The following FOXK1 variants were observed in gnomAD, a reference collection of about 807,000 sequenced individuals.
The protein encoded by FOXK1 is forkhead box protein K1.
In FOXK1, 19 loss-of-function variants were observed where a neutral mutation model predicts 51.9. The ratio of observed to expected loss-of-function variants is 0.37; its 90% CI spans 0.26 to 0.54. The LOEUF (loss-of-function observed/expected upper bound fraction) is 0.54, where lower values mean the gene tolerates loss of function less well. Among genes scored for constraint, FOXK1 ranks in the 20% least tolerant of loss-of-function variants. The probability of loss-of-function intolerance (pLI) is 0.87; values close to 1 mark genes in which losing one functional copy is unlikely to be tolerated. For synonymous variants in FOXK1, 537 were observed against 482.6 expected, an observed-to-expected ratio of 1.11 and a Z score of -1.48; for missense variants, 870 against 1,032.7, an observed-to-expected ratio of 0.84 and a Z score of 2.16.
At chr7:4,702,027 A>G (rs1007047320) in intron 1 of FOXK1, among the ~76,000 whole-genome samples, 120 of 152,298 alleles carry the variant, frequency 7.9e-4, no homozygotes, top group Non-Finnish European at 1.3e-4. Context: ...GTGAGCTGTG[A>G]CTGTACCACT....
At chr7:4,754,141 T>TG (rs1365723796) in intron 2 of FOXK1, among the ~76,000 whole-genome samples, 6 of 152,046 alleles carry the variant, frequency 3.9e-5, no homozygotes, top group African/African-American at 7.2e-5. Context: ...GGGGTGTGTG[T>TG]GGGGGGACCT....
At chr7:4,696,012 A>G (rs1277243336) in intron 1 of FOXK1, among the ~76,000 whole-genome samples, 2 of 151,790 alleles carry the variant, frequency 1.3e-5, no homozygotes, top group Non-Finnish European at 2.9e-5. Flanking sequence ...ACTACTTAGG[A>G]ACCTGAGGCA....
At position 4,734,919 on chromosome 7, in the gene FOXK1, T is replaced by C. The variant is rs1780533087; in HGVS notation, c.561-5919T>C. ...CGATCTGTCACATTCATTTTAAAAA[T>C]CGCCTCCGGAAGCTTTCACGGGCTC... On this transcript the variant is annotated intron_variant, in intron 1 of 8. Transcript: ENST00000328914. This position sits in a 1 kb window ranked among gnomAD's most constrained non-coding sequence, Gnocchi z 5.2. 6.6e-6 allele frequency among the ~76,000 whole-genome samples: 1 copy of C among 152,156 alleles called. No individual in the cohort carries two copies. Among genetic ancestry groups the C allele is most frequent in the Admixed American group, 6.6e-5 (1 of 15,266 alleles).
At chr7:4,744,946 G>A (rs1474635664) in intron 2 of FOXK1, among the ~76,000 whole-genome samples, 1 of 152,258 alleles carries the variant, frequency 6.6e-6, no homozygotes, top group East Asian at 1.9e-4. Context: ...GTTTATCTTA[G>A]CACCCTGGAA....
At chr7:4,705,593 C>G (rs1356255554) in intron 1 of FOXK1, among the ~76,000 whole-genome samples, 1 of 150,704 alleles carries the variant, frequency 6.6e-6, no homozygotes, top group Non-Finnish European at 1.5e-5. Context: ...CTGGAGTACA[C>G]TGGCGCAATG....
intron 1 of FOXK1, among the ~76,000 whole-genome samples, chr7:4,714,463 C>A (rs1298941686): frequency 2.0e-5 from 3 of 152,142 alleles, no homozygotes; most frequent in Admixed American, 1.3e-4. Flanking sequence ...TTAGTAGAGA[C>A]CGGGTTTCGC....
At chr7:4,718,815 G>T (rs1284005803) in intron 1 of FOXK1, among the ~76,000 whole-genome samples, 1 of 152,026 alleles carries the variant, frequency 6.6e-6, no homozygotes, top group Non-Finnish European at 1.5e-5. Context: ...TTGTTTTTTT[G>T]TTTGTTTGTT....
chr7:4,688,724 C>T (rs561822484), intron 1 of FOXK1, among the ~76,000 whole-genome samples: 78 of 152,232 alleles, frequency 5.1e-4, no homozygotes, highest in Non-Finnish European at 9.6e-4. Flanking sequence ...GTGTAGTTCC[C>T]CACACCTGCC....
chr7:4,687,783 A>C lies in FOXK1; in HGVS notation c.560+4915A>C, dbSNP rs1328135539. ...TGGCTTGAATAATTACAATGAGAAC[A>C]AGACTTCTGTTTGTGGTAACTTTGA... is the stretch of plus-strand genomic sequence containing the variant. On this transcript the variant is annotated intron_variant, in intron 1 of 8. Transcript: ENST00000328914. Among the ~76,000 whole-genome samples the C allele has an allele frequency of 1.3e-5, 2 of 152,174 alleles. 1 individual carries two copies. The highest frequency in any genetic ancestry group is 2.9e-5 in the Non-Finnish European group (2 of 68,034).
chr7:4,742,818 C>T (rs755590439), intron 2 of FOXK1, among the ~76,000 whole-genome samples: 10 of 152,206 alleles, frequency 6.6e-5, no homozygotes, highest in African/African-American at 1.4e-4. Flanking sequence ...CCTGCTTTGC[C>T]GACAAGTTAC....
chr7:4,726,860 T>A (rs1780387509), intron 1 of FOXK1, among the ~76,000 whole-genome samples: 1 of 152,220 alleles, frequency 6.6e-6, no homozygotes. Context: ...AGTGGGATAT[T>A]TTGGTGAGTT....
At position 4,758,637 on chromosome 7, in the gene FOXK1, A is replaced by G. The variant is rs1252812524; in HGVS notation, c.1245-414A>G. On this transcript the variant is annotated intron_variant, in intron 5 of 8. Coordinates refer to ENST00000328914, the MANE Select transcript of FOXK1 (RefSeq NM_001037165.2). This position sits in a 1 kb window ranked among gnomAD's most constrained non-coding sequence, Gnocchi z 4.4. Reference sequence around the variant, plus strand: ...AACGTCATTTGCAGCATTTAAACTGAGCTCCAAATGACGTTCAAACACCCC... The same window carrying G: ...AACGTCATTTGCAGCATTTAAACTGGGCTCCAAATGACGTTCAAACACCCC... 1.1e-5 allele frequency: 2 copies of G among 187,592 alleles called. No homozygotes were observed. Among genetic ancestry groups the G allele is most frequent in the Non-Finnish European group, 1.1e-5 (1 of 91,544 alleles). The allele number at this position is 187,592 out of a possible 1,614,324, so 11.6% of individuals were successfully genotyped here.
chr7:4,692,193 T>C (rs754094507), intron 1 of FOXK1, among the ~76,000 whole-genome samples: 29 of 152,308 alleles, frequency 1.9e-4, no homozygotes, highest in Non-Finnish European at 3.7e-4. Flanking sequence ...AACTCTGTAA[T>C]GTCTGGCTTA....
intron 1 of FOXK1, among the ~76,000 whole-genome samples, chr7:4,698,706 C>G (rs368292187): frequency 5.9e-5 from 9 of 152,254 alleles, no homozygotes; most frequent in African/African-American, 2.2e-4. Context: ...GCACGTGCCA[C>G]CACGCCCTGC....
At chr7:4,695,982 G>A (rs1163359922) in intron 1 of FOXK1, among the ~76,000 whole-genome samples, 1 of 151,762 alleles carries the variant, frequency 6.6e-6, no homozygotes, top group Non-Finnish European at 1.5e-5. Flanking sequence ...TGGGTGTGGT[G>A]GCGTGCACCT....
chr7:4,746,617 G>A (rs529775918), intron 2 of FOXK1, among the ~76,000 whole-genome samples: 2 of 152,340 alleles, frequency 1.3e-5, no homozygotes, highest in Admixed American at 1.3e-4. Context: ...GAGCCCAGCA[G>A]TTGGAGGCTG....
In FOXK1 at chr7:4,729,158, T is replaced by G. The variant is rs1332732957; in HGVS notation, c.561-11680T>G. ...TTTACGCGGTCTTTTTACGTCTGTT[T>G]AAGCCACACAGCATGGTGGGGAGCG... On this transcript the variant is annotated intron_variant, in intron 1 of 8. Transcript: ENST00000328914. This position sits in a 1 kb window ranked among gnomAD's most constrained non-coding sequence, Gnocchi z 6.2. Among the ~76,000 whole-genome samples the G allele has an allele frequency of 6.6e-6, 1 of 152,234 alleles. No homozygotes were observed. Among genetic ancestry groups the G allele is most frequent in the Non-Finnish European group, 1.5e-5 (1 of 68,052 alleles).
At chr7:4,690,245 A>AC (rs1451254972) in intron 1 of FOXK1, among the ~76,000 whole-genome samples, 3 of 152,226 alleles carry the variant, frequency 2.0e-5, no homozygotes, top group Admixed American at 2.0e-4. Context: ...GCTGGGGAGA[A>AC]CAATCACTGC....
At position 4,745,002 on chromosome 7, in the gene FOXK1, T is replaced by C. The variant is rs540294301; in HGVS notation, c.746+3979T>C. On this transcript the variant is annotated intron_variant, in intron 2 of 8. Coordinates refer to ENST00000328914, the MANE Select transcript of FOXK1 (RefSeq NM_001037165.2). This position sits in a 1 kb window ranked among gnomAD's most constrained non-coding sequence, Gnocchi z 4.3. ...CCTCAGAGGCCCTTGAGGTTTTCCC[T>C]GCCAAGATACTTTTCAGTTTGAGTT... 6.6e-6 allele frequency among the ~76,000 whole-genome samples: 1 copy of C among 152,374 alleles called. No individual in the cohort carries two copies. Among genetic ancestry groups the C allele is most frequent in the Non-Finnish European group, 1.5e-5 (1 of 68,038 alleles).
Sources: allele counts gnomAD v4.1 joint callset (sites outside exome capture counted in the v4.1 genomes callset), GRCh38; gene constraint gnomAD v4.1.1; non-coding constraint Gnocchi (gnomAD v3.1); transcripts MANE v1.5; gene names NCBI Gene and HGNC (gene_info 2026-07-23, HGNC 2026-07-21).